RETREG1: variants seen among roughly 807,000 people sequenced by gnomAD.
RETREG1 encodes family with sequence similarity 134 member B.
Under a neutral mutation model 54.8 loss-of-function variants are expected in RETREG1, and 44 were observed. The ratio of observed to expected loss-of-function variants is 0.80; its 90% CI spans 0.63 to 1.03. The LOEUF (loss-of-function observed/expected upper bound fraction) is 1.03, where lower values mean the gene tolerates loss of function less well. Among genes scored for constraint, RETREG1 ranks in the 50% least tolerant of loss-of-function variants. The probability of loss-of-function intolerance (pLI) is 0.00; values close to 1 mark genes in which losing one functional copy is unlikely to be tolerated. For missense variants in RETREG1, 554 were observed against 605.1 expected (o/e 0.92, Z 0.89); for synonymous variants, 217 against 238.5 (o/e 0.91, Z 0.83).
chr5:16,564,588 A>G (rs1190191405), intron 3 of RETREG1, among the ~76,000 whole-genome samples: 1 of 152,232 alleles, frequency 6.6e-6, no homozygotes, highest in Non-Finnish European at 1.5e-5. Context: ...CAGCACACAG[A>G]TCAGAGCACA....
intron 3 of RETREG1, among the ~76,000 whole-genome samples, chr5:16,510,383 G>A (rs1187358822): frequency 6.6e-6 from 1 of 152,178 alleles, no homozygotes; most frequent in Admixed American, 6.5e-5. Context: ...GGGTGTGCGA[G>A]AGCCTGTCAG....
rs138326179 is a variant in RETREG1, at chr5:16,526,743, A to T, written c.458+39020T>A. ...ATATTAGAAATATTCAATATTTCTA[A>T]TTCTATTTCTAATTGAATATTAGAA... is the stretch of plus-strand genomic sequence containing the variant. On this transcript the variant is annotated intron_variant, in intron 3 of 8. Transcript: ENST00000306320. Among the ~76,000 whole-genome samples, 1,058 of 152,342 alleles carry T rather than the reference A, an allele frequency of 6.9e-3. 6 individuals carry two copies. Among genetic ancestry groups the T allele is most frequent in the African/African-American group, 0.024 (1,012 of 41,580 alleles).
Position 16,519,177 on chromosome 5 carries a change from T to C in RETREG1, c.459-35705A>G, listed in dbSNP as rs145022365. On this transcript the variant is annotated intron_variant, in intron 3 of 8. Coordinates refer to ENST00000306320, the MANE Select transcript of RETREG1 (RefSeq NM_001034850.3). ...CACCCCGCTGCTGAGGAAGAGATGG[T>C]ACCCCCTCTCTCTCGCTGCGTGGTG... 2.3e-3 allele frequency among the ~76,000 whole-genome samples: 349 copies of C among 152,328 alleles called. 2 individuals carry two copies. Among genetic ancestry groups the C allele is most frequent in the African/African-American group, 7.8e-3 (326 of 41,588 alleles).
chr5:16,568,672 G>T (rs1398104679), intron 2 of RETREG1, among the ~76,000 whole-genome samples: 1 of 152,156 alleles, frequency 6.6e-6, no homozygotes, highest in African/African-American at 2.4e-5. Flanking sequence ...AATGGTAGTT[G>T]CCAGGGGCTG....
intron 3 of RETREG1, among the ~76,000 whole-genome samples, chr5:16,549,272 A>T (rs1741468145): frequency 1.3e-5 from 2 of 152,210 alleles, no homozygotes; most frequent in South Asian, 4.1e-4. Context: ...TCAAAGAACA[A>T]GACGAATTTA....
chr5:16,611,380 G>A (rs753658761), intron 1 of RETREG1, among the ~76,000 whole-genome samples: 20 of 152,140 alleles, frequency 1.3e-4, no homozygotes, highest in Non-Finnish European at 2.2e-4. Context: ...TTGTGCACAC[G>A]TACCCTAGAA....
chr5:16,542,154 C>T (rs1291949209), intron 3 of RETREG1, among the ~76,000 whole-genome samples: 1 of 152,258 alleles, frequency 6.6e-6, no homozygotes, highest in African/African-American at 2.4e-5. Flanking sequence ...CCAACAGCCA[C>T]TGTAAATACA....
intron 2 of RETREG1, among the ~76,000 whole-genome samples, chr5:16,567,787 T>C (rs1742057715): frequency 6.6e-6 from 1 of 151,782 alleles, no homozygotes; most frequent in Non-Finnish European, 1.5e-5. Flanking sequence ...CAAGACCCCA[T>C]CTCTACAAAA....
intron 3 of RETREG1, among the ~76,000 whole-genome samples, chr5:16,534,883 T>C (rs1741011120): frequency 6.6e-6 from 1 of 152,192 alleles, no homozygotes; most frequent in South Asian, 2.1e-4. Context: ...AAATCACTCA[T>C]TCATTCATCG....
intron 3 of RETREG1, among the ~76,000 whole-genome samples, chr5:16,498,090 A>T (rs934114421): frequency 3.3e-5 from 5 of 152,250 alleles, no homozygotes; most frequent in African/African-American, 9.6e-5. Flanking sequence ...AGCACAAACA[A>T]CTATGTTTCC....
intron 3 of RETREG1, among the ~76,000 whole-genome samples, chr5:16,553,936 T>C (rs930892029): frequency 5.9e-5 from 9 of 151,898 alleles, no homozygotes; most frequent in Admixed American, 3.3e-4. Flanking sequence ...GATTCCCTCT[T>C]GTTGTCCAAA....
intron 3 of RETREG1, among the ~76,000 whole-genome samples, chr5:16,485,091 G>C (rs1175232944): frequency 6.6e-6 from 1 of 152,036 alleles, no homozygotes; most frequent in Non-Finnish European, 1.5e-5. Flanking sequence ...TTGCACCAGA[G>C]AGCAAAAGCT....
Position 16,477,757 on chromosome 5 carries a change from G to A in RETREG1, c.905C>T (p.Ser302Phe), listed in dbSNP as rs1260385728. Reference sequence around the variant, plus strand: ...CTCTGAGACGTCTGTGTCAGACACAGATAACTCTTTGGCAGCAACCGTGAG... The same window carrying A: ...CTCTGAGACGTCTGTGTCAGACACAAATAACTCTTTGGCAGCAACCGTGAG... ...ISLTVAAKELSVSDTDVSEVS... is the reference protein window; with the variant it reads ...ISLTVAAKELFVSDTDVSEVS... The change falls in exon 8 of 9, where the codon TCT (serine) becomes TTT (phenylalanine). Residue 302 changes from serine (S) to phenylalanine (F), a missense_variant. By Grantham distance (155) the Ser-to-Phe change is radical. Around this residue, in one of 4 missense-constraint regions of RETREG1, gnomAD observed 347 missense variants for 412.3 expected, o/e 0.84. Coordinates refer to ENST00000306320, the MANE Select transcript of RETREG1 (RefSeq NM_001034850.3). The A allele has an allele frequency of 1.9e-6, 3 of 1,613,354 alleles. No homozygotes were observed. Among genetic ancestry groups the A allele is most frequent in the African/African-American group, 1.3e-5 (1 of 74,878 alleles).
At chr5:16,603,492 T>C (rs1220728557) in intron 1 of RETREG1, among the ~76,000 whole-genome samples, 3 of 152,060 alleles carry the variant, frequency 2.0e-5, no homozygotes, top group African/African-American at 7.2e-5. Context: ...GAAAGACTAA[T>C]GACAGGGAAG....
chr5:16,573,858 C>A (rs1374100620), intron 1 of RETREG1, among the ~76,000 whole-genome samples: 1 of 150,208 alleles, frequency 6.7e-6, no homozygotes, highest in East Asian at 2.0e-4. Context: ...AATTCTCCTG[C>A]CTCAGCCGCC....
At chr5:16,607,771 C>T (rs1743235826) in intron 1 of RETREG1, among the ~76,000 whole-genome samples, 2 of 152,224 alleles carry the variant, frequency 1.3e-5, no homozygotes, top group South Asian at 2.1e-4. Context: ...GTAACCTCTT[C>T]AAAACCTGGC....
chr5:16,602,240 T>C (rs1160140131), intron 1 of RETREG1, among the ~76,000 whole-genome samples: 1 of 151,908 alleles, frequency 6.6e-6, no homozygotes, highest in Non-Finnish European at 1.5e-5. Context: ...GAAGAAGAAA[T>C]GGGGGCCTCC....
chr5:16,569,633 T>C (rs941181217), intron 2 of RETREG1, among the ~76,000 whole-genome samples: 29 of 152,228 alleles, frequency 1.9e-4, no homozygotes, highest in African/African-American at 7.0e-4. Flanking sequence ...GGATGTTTTC[T>C]GCCATTTCAC....
intron 3 of RETREG1, among the ~76,000 whole-genome samples, chr5:16,520,475 A>G (rs1013252523): frequency 2.0e-5 from 3 of 151,874 alleles, no homozygotes; most frequent in East Asian, 1.9e-4. Flanking sequence ...GATTACAGGC[A>G]CCCATCACCA....
Sources: allele counts gnomAD v4.1 joint callset (sites outside exome capture counted in the v4.1 genomes callset), GRCh38; gene constraint gnomAD v4.1.1; regional missense constraint gnomAD v4.1.1; transcripts MANE v1.5; gene names NCBI Gene and HGNC (gene_info 2026-07-23, HGNC 2026-07-21).